The following NPAS3 variants were observed in gnomAD, a reference collection of about 807,000 sequenced individuals.
NPAS3 encodes the protein neuronal PAS domain-containing protein 3.
In NPAS3, 14 loss-of-function variants were observed where a neutral mutation model predicts 73.1. The observed-to-expected ratio is 0.19, with a 90% CI of 0.13 to 0.30. The LOEUF (loss-of-function observed/expected upper bound fraction) is 0.30, where lower values mean the gene tolerates loss of function less well. Among genes scored for constraint, NPAS3 ranks in the 10% least tolerant of loss-of-function variants. NPAS3 has a pLI of 1.00. For synonymous variants in NPAS3, 620 were observed against 541.5 expected, an observed-to-expected ratio of 1.14 and a Z score of -2.01; for missense variants, 1,096 against 1,250.0, an observed-to-expected ratio of 0.88 and a Z score of 1.86.
intron 3 of NPAS3, among the ~76,000 whole-genome samples, chr14:33,236,916 G>C (rs2048053706): frequency 6.6e-6 from 1 of 152,042 alleles, no homozygotes; most frequent in Admixed American, 6.6e-5. Context: ...CTTTATGAAA[G>C]ATAAATCAGT....
At chr14:33,143,760 G>C (rs2139192749) in intron 2 of NPAS3, among the ~76,000 whole-genome samples, 1 of 152,104 alleles carries the variant, frequency 6.6e-6, no homozygotes, top group African/African-American at 2.4e-5. Context: ...ACAAGTCTGT[G>C]CTCTGTCTCT....
At position 33,800,368 on chromosome 14, in the gene NPAS3, C is replaced by T. The variant is rs1479048971; in HGVS notation, c.2061C>T (p.Ser687=). 6.2e-7 allele frequency: 1 copy of T among 1,610,490 alleles called. No homozygotes were observed. The highest frequency in any genetic ancestry group is 1.3e-5 in the African/African-American group (1 of 74,560). ...CCTACAGCATGACCAAGCCCCCCAG[C>T]TCTGAGCACTTCCCGTCCCCGCAGG... The change falls in exon 12 of 12, where the codon AGC becomes AGT. Residue 687 remains serine (S), a synonymous_variant. Coordinates refer to ENST00000356141, the Ensembl canonical transcript of NPAS3. This position sits in a 1 kb window ranked among gnomAD's most constrained non-coding sequence, Gnocchi z 6.5.
At chr14:33,458,741 C>A (rs2139464945) in intron 4 of NPAS3, among the ~76,000 whole-genome samples, 1 of 152,154 alleles carries the variant, frequency 6.6e-6, no homozygotes, top group Non-Finnish European at 1.5e-5. Context: ...GTGGCCAATT[C>A]AATAATAATC....
intron 6 of NPAS3, among the ~76,000 whole-genome samples, chr14:33,702,270 A>G (rs2060543303): frequency 6.6e-6 from 1 of 152,242 alleles, no homozygotes; most frequent in African/African-American, 2.4e-5. Flanking sequence ...CTATGTAAGA[A>G]GGGAATTCAG....
intron 2 of NPAS3, among the ~76,000 whole-genome samples, chr14:33,150,721 C>T (rs537111770): frequency 1.1e-4 from 16 of 152,258 alleles, no homozygotes; most frequent in Admixed American, 2.6e-4. Flanking sequence ...ATGATTTCTC[C>T]GTAATCATGC....
chr14:33,778,300 G>A (rs138871892), intron 8 of NPAS3, among the ~76,000 whole-genome samples, 166 bp from the exon 9 acceptor site: 18 of 152,262 alleles, frequency 1.2e-4, no homozygotes, highest in Admixed American at 2.6e-4. Flanking sequence ...AGACTGTTAC[G>A]TGTTAAAGAA....
intron 9 of NPAS3, among the ~76,000 whole-genome samples, chr14:33,782,823 T>A (rs12894174): frequency 0.4 from 59,033 of 148,634 alleles, 12,052 homozygotes; most frequent in African/African-American, 0.46. Flanking sequence ...TGTTTTTTTT[T>A]AAAAAAAAGA....
chr14:33,195,720 G>A (rs1383035292), intron 2 of NPAS3, among the ~76,000 whole-genome samples: 1 of 152,194 alleles, frequency 6.6e-6, no homozygotes, highest in African/African-American at 2.4e-5. Flanking sequence ...CTTTCAAAGC[G>A]TAGAGCTGAA....
At chr14:33,443,253 A>G (rs1412468608) in intron 4 of NPAS3, among the ~76,000 whole-genome samples, 12 of 152,050 alleles carry the variant, frequency 7.9e-5, no homozygotes, top group Non-Finnish European at 1.6e-4. Flanking sequence ...AAATTTGACT[A>G]TATATCTAGA....
intron 5 of NPAS3, among the ~76,000 whole-genome samples, chr14:33,565,741 T>C (rs1268083118): frequency 6.6e-6 from 1 of 152,132 alleles, no homozygotes; most frequent in Non-Finnish European, 1.5e-5. Flanking sequence ...AGCAGAGGGA[T>C]TACAATGATG....
chr14:33,218,738 G>T (rs1271746371), intron 3 of NPAS3, among the ~76,000 whole-genome samples: 1 of 152,086 alleles, frequency 6.6e-6, no homozygotes, highest in Non-Finnish European at 1.5e-5. Flanking sequence ...AAATTTCAAA[G>T]CTTAAATTTA....
chr14:33,266,918 T>TAG (rs1200815942), intron 3 of NPAS3, among the ~76,000 whole-genome samples: 1 of 152,178 alleles, frequency 6.6e-6, no homozygotes, highest in Non-Finnish European at 1.5e-5. Flanking sequence ...TTAGGAAAGT[T>TAG]GCTGCCTTAA....
intron 5 of NPAS3, among the ~76,000 whole-genome samples, chr14:33,670,912 A>G (rs1020590776): frequency 5.8e-5 from 8 of 138,716 alleles, no homozygotes; most frequent in African/African-American, 2.1e-4. Flanking sequence ...GGTAACCTCA[A>G]TGCCCTCAAA....
At chr14:33,484,921 C>T (rs145102874) in intron 4 of NPAS3, among the ~76,000 whole-genome samples, 20 of 152,200 alleles carry the variant, frequency 1.3e-4, no homozygotes, top group Admixed American at 5.2e-4. Context: ...GTTCCCCTGA[C>T]GCATCACAGA....
intron 3 of NPAS3, among the ~76,000 whole-genome samples, chr14:33,342,337 G>A (rs908109778): frequency 1.3e-5 from 2 of 152,196 alleles, no homozygotes; most frequent in Non-Finnish European, 2.9e-5. Context: ...AAACCTACCA[G>A]TGTAAAGCTG....
chr14:32,953,559 T>C (rs2036567804), intron 1 of NPAS3, among the ~76,000 whole-genome samples: 1 of 152,162 alleles, frequency 6.6e-6, no homozygotes, highest in Admixed American at 6.5e-5. Context: ...CGAGGGGGTC[T>C]GTTTTCCCTA....
chr14:33,652,926 A>G (rs2059040384), intron 5 of NPAS3, among the ~76,000 whole-genome samples: 2 of 152,158 alleles, frequency 1.3e-5, no homozygotes, highest in Non-Finnish European at 2.9e-5. Context: ...CAGCAATCCA[A>G]TTTAGGTTTC....
chr14:33,495,149 G>A (rs146829309), intron 4 of NPAS3, among the ~76,000 whole-genome samples: 2,003 of 152,218 alleles, frequency 0.013, 23 homozygotes, highest in Non-Finnish European at 0.02. Flanking sequence ...TGCTTTAGCT[G>A]TATCCCAGAG....
chr14:33,742,437 G>C (rs73260609), intron 7 of NPAS3, among the ~76,000 whole-genome samples: 2,503 of 152,270 alleles, frequency 0.016, 66 homozygotes, highest in African/African-American at 0.057. Context: ...TAAAAGTTAG[G>C]TTTATACTGT....
Sources: allele counts gnomAD v4.1 joint callset (sites outside exome capture counted in the v4.1 genomes callset), GRCh38; gene constraint gnomAD v4.1.1; non-coding constraint Gnocchi (gnomAD v3.1); transcripts MANE v1.5; gene names NCBI Gene and HGNC (gene_info 2026-07-23, HGNC 2026-07-21).